Variants in CDC14B observed in about 807,000 individuals in gnomAD.
The protein encoded by CDC14B is dual specificity protein phosphatase CDC14B.
Under a neutral mutation model 64.2 loss-of-function variants are expected in CDC14B, and 22 were observed. That is an observed-to-expected ratio of 0.34 (90% CI 0.24 to 0.49). CDC14B has a LOEUF of 0.49. Among genes scored for constraint, CDC14B ranks in the 20% least tolerant of loss-of-function variants. CDC14B has a pLI of 0.99. For synonymous variants in CDC14B, 191 were observed against 215.8 expected, an observed-to-expected ratio of 0.89 and a Z score of 1.01; for missense variants, 498 against 629.9, an observed-to-expected ratio of 0.79 and a Z score of 2.24.
intron 5 of CDC14B, among the ~76,000 whole-genome samples, chr9:96,549,066 T>C (rs914315386): frequency 6.6e-6 from 1 of 152,180 alleles, no homozygotes; most frequent in Non-Finnish European, 1.5e-5. Context: ...ATAAGTTCTA[T>C]AGAACACTAT....
In CDC14B at chr9:96,501,610, C is replaced by G. The variant is rs1486853883; in HGVS notation, c.*2143G>C. On this transcript the variant is annotated 3_prime_UTR_variant, in exon 14 of 14. Transcript: ENST00000375241. ...GGTTATTACAAGGAATGCCTCTTCACCAAATCACAAGTTTTCTATGACTAA... is the reference window on the plus strand; with the variant it reads ...GGTTATTACAAGGAATGCCTCTTCAGCAAATCACAAGTTTTCTATGACTAA... The G allele has an allele frequency of 6.6e-6, 1 of 152,526 alleles. No individual in the cohort carries two copies. Among genetic ancestry groups the G allele is most frequent in the East Asian group, 1.9e-4 (1 of 5,192 alleles). 9.4% of individuals were successfully genotyped at this position (152,526 alleles called of 1,614,324 possible). A position where few individuals can be genotyped will look rare whatever the true frequency, so the allele number is the denominator to read the frequency against.
intron 1 of CDC14B, among the ~76,000 whole-genome samples, chr9:96,581,843 C>T (rs532511657): frequency 6.6e-6 from 1 of 152,316 alleles, no homozygotes; most frequent in East Asian, 1.9e-4. Context: ...ACAAGATCCA[C>T]CGTCCCAGCA....
At chr9:96,542,088 G>T (rs1362944089) in intron 5 of CDC14B, among the ~76,000 whole-genome samples, 196 bp from the exon 6 acceptor site, 1 of 152,142 alleles carries the variant, frequency 6.6e-6, no homozygotes, top group Non-Finnish European at 1.5e-5. Context: ...TATTCCAATA[G>T]GTACTGTTTT....
At chr9:96,556,828 A>T (rs953926200) in intron 4 of CDC14B, among the ~76,000 whole-genome samples, 54 of 152,148 alleles carry the variant, frequency 3.5e-4, no homozygotes, top group Non-Finnish European at 6.8e-4. Flanking sequence ...AACTATTTAT[A>T]ATGCTCTGTG....
At chr9:96,512,911 G>A (rs1207945934) in intron 12 of CDC14B, among the ~76,000 whole-genome samples, 1 of 151,388 alleles carries the variant, frequency 6.6e-6, no homozygotes, top group African/African-American at 2.4e-5. Flanking sequence ...CAAAAGTACA[G>A]ACAACAATCA....
chr9:96,608,456 GAAC>G lies in CDC14B; in HGVS notation c.160+10760_160+10762del, dbSNP rs551971279. Among the ~76,000 whole-genome samples the G allele has an allele frequency of 2.4e-3, 372 of 152,210 alleles. 1 individual carries two copies. The highest frequency in any genetic ancestry group is 3.8e-3 in the Non-Finnish European group (257 of 68,022). On this transcript the variant is annotated intron_variant, in intron 1 of 13. Transcript: ENST00000375241. ...ATAATAAATTCCAAGAGCAAACTGA[GAAC>G]AACTCCCCAAAATTTAAGACCGACA...
At chr9:96,616,188 T>C (rs938556440) in intron 1 of CDC14B, among the ~76,000 whole-genome samples, 1 of 152,000 alleles carries the variant, frequency 6.6e-6, no homozygotes, top group South Asian at 2.1e-4. Flanking sequence ...TAGCCGGGCA[T>C]GGTGGCGTAT....
intron 13 of CDC14B, among the ~76,000 whole-genome samples, chr9:96,495,046 G>A (rs1031129211): frequency 1.3e-5 from 2 of 151,820 alleles, no homozygotes; most frequent in South Asian, 2.1e-4. Flanking sequence ...GTGTTAGCCA[G>A]GATGGGCTCG....
chr9:96,572,106 G>C (rs1412484488), intron 1 of CDC14B, among the ~76,000 whole-genome samples: 1 of 152,188 alleles, frequency 6.6e-6, no homozygotes, highest in Non-Finnish European at 1.5e-5. Flanking sequence ...CATGCCCGGA[G>C]GGTGGTGCAC....
At chr9:96,536,984 CTA>C (rs1433223646) in intron 7 of CDC14B, among the ~76,000 whole-genome samples, 4 of 152,134 alleles carry the variant, frequency 2.6e-5, no homozygotes, top group Non-Finnish European at 5.9e-5. Context: ...TGGCCCTGTC[CTA>C]TGTTTTTAAG....
chr9:96,515,943 G>C lies in CDC14B; in HGVS notation c.1344-6154C>G, dbSNP rs1835595658. ...GGGATACAAAGGGGTGGTCAACAAGGATGGAGTTTTGCCATTTTATGTTGA... is the reference window on the plus strand; with the variant it reads ...GGGATACAAAGGGGTGGTCAACAAGCATGGAGTTTTGCCATTTTATGTTGA... On this transcript the variant is annotated intron_variant, in intron 12 of 13. Transcript: ENST00000375241. The surrounding 1 kb of genome is among the most constrained non-coding windows in gnomAD (Gnocchi z 4.3). Among the ~76,000 whole-genome samples the C allele has an allele frequency of 6.6e-6, 1 of 152,192 alleles. No individual in the cohort carries two copies. Among genetic ancestry groups the C allele is most frequent in the Non-Finnish European group, 1.5e-5 (1 of 68,022 alleles).
intron 1 of CDC14B, among the ~76,000 whole-genome samples, chr9:96,586,828 C>T (rs1376726982): frequency 1.3e-5 from 2 of 151,924 alleles, no homozygotes; most frequent in African/African-American, 4.8e-5. Context: ...ATCTGCCATT[C>T]CCTATATTCT....
At chr9:96,535,271 C>A (rs16911126) in intron 7 of CDC14B, among the ~76,000 whole-genome samples, 7,896 of 152,100 alleles carry the variant, frequency 0.052, 686 homozygotes, top group African/African-American at 0.18. Context: ...TGTGCCATTG[C>A]ACTCCAGCCT....
At chr9:96,492,594 A>G (rs1833116833) in exon 14 of CDC14B, 1 of 152,226 alleles carries the variant, frequency 6.6e-6, no homozygotes, top group African/African-American at 2.4e-5. Flanking sequence ...AAATACAGAA[A>G]TTAGCCGGGC....
In CDC14B at chr9:96,619,349, G is replaced by C. The variant is rs1288618919; in HGVS notation, c.30C>G (p.Ser10Arg). 1.6e-6 allele frequency: 2 copies of C among 1,248,746 alleles called. No homozygotes were observed. Among genetic ancestry groups the C allele is most frequent in the African/African-American group, 1.5e-5 (1 of 64,718 alleles). 77.4% of individuals were successfully genotyped at this position (1,248,746 alleles called of 1,614,324 possible). Residue 10 changes from serine to arginine, a missense_variant, in exon 1 of 14, where the codon AGC becomes AGG. Coordinates refer to ENST00000375241, the MANE Select transcript of CDC14B (RefSeq NM_033331.4). ...GCGAGCAGGGGGGCGCGGCGGCCCA[G>C]CTCGACCGCCGCTCGCTTTTCCGCT... MKRKSERRSSWAAAPPCSRR... is the reference protein window; with the variant it reads MKRKSERRSRWAAAPPCSRR...
chr9:96,549,518 A>T (rs1285712449), intron 5 of CDC14B, among the ~76,000 whole-genome samples: 2 of 152,132 alleles, frequency 1.3e-5, no homozygotes, highest in Non-Finnish European at 2.9e-5. Context: ...TACAAAAATT[A>T]GCCAGGCGTG....
chr9:96,498,154 C>T (rs186373530), downstream of CDC14B, among the ~76,000 whole-genome samples: 82 of 152,298 alleles, frequency 5.4e-4, 1 homozygote, highest in South Asian at 0.013. Flanking sequence ...TTGGAGAATT[C>T]CTCCCTAGAT....
intron 1 of CDC14B, among the ~76,000 whole-genome samples, chr9:96,579,401 C>A (rs890728767): frequency 6.6e-6 from 1 of 151,946 alleles, no homozygotes; most frequent in African/African-American, 2.4e-5. Flanking sequence ...TCCTGGCTAA[C>A]ACAGTGAAAC....
At position 96,619,355 on chromosome 9, in the gene CDC14B, C is replaced by T; in HGVS notation, c.24G>A (p.Arg8=). 1 of 1,238,816 alleles carries T rather than the reference C, an allele frequency of 8.1e-7. No homozygotes were observed. Among genetic ancestry groups the T allele is most frequent in the South Asian group, 3.6e-5 (1 of 28,020 alleles). 76.7% of individuals were successfully genotyped at this position (1,238,816 alleles called of 1,614,324 possible). A position where few individuals can be genotyped will look rare whatever the true frequency, so the allele number is the denominator to read the frequency against. ...AGGGGGGCGCGGCGGCCCAGCTCGACCGCCGCTCGCTTTTCCGCTTCATGG... is the reference window on the plus strand; with the variant it reads ...AGGGGGGCGCGGCGGCCCAGCTCGATCGCCGCTCGCTTTTCCGCTTCATGG... MKRKSER[R]SSWAAAPPCS... Residue 8 remains arginine (R), a synonymous_variant, in exon 1 of 14, where the codon CGG becomes CGA. Transcript: ENST00000375241.
Sources: gnomAD v4.1 joint callset for allele counts (sites outside exome capture counted in the v4.1 genomes callset) on GRCh38, gnomAD v4.1.1 for gene constraint, Gnocchi (gnomAD v3.1) non-coding constraint, MANE v1.5 for transcripts, NCBI Gene and HGNC (gene_info 2026-07-23, HGNC 2026-07-21) for gene names.